CDH11: variants seen among roughly 807,000 people sequenced by gnomAD.
CDH11 encodes cadherin 11.
In CDH11, 11 loss-of-function variants were observed where a neutral mutation model predicts 67.8. That is an observed-to-expected ratio of 0.16 (90% confidence interval 0.10 to 0.27). CDH11 has a LOEUF of 0.27. Among genes scored for constraint, CDH11 ranks in the 10% least tolerant of loss-of-function variants. The probability of loss-of-function intolerance (pLI) is 1.00; values close to 1 mark genes in which losing one functional copy is unlikely to be tolerated. For synonymous variants in CDH11, 419 were observed against 400.0 expected (o/e 1.05, Z -0.57); for missense variants, 847 against 1,031.2 (o/e 0.82, Z 2.45).
chr16:65,087,197 A>G (rs1008492342), intron 1 of CDH11, among the ~76,000 whole-genome samples: 1 of 152,208 alleles, frequency 6.6e-6, no homozygotes, highest in Non-Finnish European at 1.5e-5. Context: ...TGACAGCAGC[A>G]GAGCCTGAGC....
chr16:64,992,921 G>A lies in CDH11; in HGVS notation c.637C>T (p.Gln213Ter). 1 of 1,613,496 alleles carries A rather than the reference G, an allele frequency of 6.2e-7. No individual in the cohort carries two copies. Among genetic ancestry groups the A allele is most frequent in the Non-Finnish European group, 8.5e-7 (1 of 1,179,596 alleles). ...EGQPYFSVEAQTGIIRTALPN... is the reference protein window; with the variant it reads ...EGQPYFSVEA Reference sequence around the variant, plus strand: ...CAGTGACATTCCACAGTACCTGTCTGTGCTTCCACCGAAAAATAGGGTTGT... The same window carrying A: ...CAGTGACATTCCACAGTACCTGTCTATGCTTCCACCGAAAAATAGGGTTGT... Residue 213 changes from glutamine to a stop codon, truncating the protein, a stop_gained, in exon 5 of 13, where the codon CAG (glutamine) becomes TAG (stop). Transcript: ENST00000268603. LOFTEE classifies it high-confidence loss of function.
intron 1 of CDH11, among the ~76,000 whole-genome samples, chr16:65,114,520 G>C (rs144867716): frequency 3.3e-5 from 5 of 152,034 alleles, no homozygotes; most frequent in African/African-American, 1.2e-4. Context: ...CCTTCCTCTC[G>C]GGGGGTTGTA....
intron 11 of CDH11, among the ~76,000 whole-genome samples, chr16:64,969,685 C>T (rs1218180487): frequency 6.6e-6 from 1 of 152,082 alleles, no homozygotes; most frequent in Admixed American, 6.6e-5. Flanking sequence ...TAAGAGTGAA[C>T]ACAGGGCTTT....
chr16:64,988,343 G>C lies in CDH11; in HGVS notation c.813C>G (p.Ser271Arg). The stretch of plus-strand genomic sequence containing the variant: ...CTTCTGACACAGACATCTGGTATAC[G>C]CCTAGAAGAAGAAGACATCTATTTT... ...VNDNPPKFPQ[S>R]VYQMSVSEAA... Residue 271 changes from serine (S) to arginine (R), a missense_variant and splice_region_variant, in exon 7 of 13, where the codon AGC (serine) becomes AGG (arginine). Physicochemically the swap from Ser to Arg is moderately radical, Grantham distance 110 (BLOSUM62 -1). Transcript: ENST00000268603. 1 of 1,600,992 alleles carries C rather than the reference G, an allele frequency of 6.2e-7. No individual in the cohort carries two copies. Among genetic ancestry groups the C allele is most frequent in the Non-Finnish European group, 8.5e-7 (1 of 1,175,332 alleles).
In CDH11 at chr16:65,021,569, CATAT is replaced by C. The variant is rs58195440; in HGVS notation, c.-172-16532_-172-16529del. Among the ~76,000 whole-genome samples the C allele has an allele frequency of 3.1e-3, 429 of 138,960 alleles. 3 individuals are homozygous for C. The highest frequency in any genetic ancestry group is 0.012 in the East Asian group (57 of 4,808). 91.2% of individuals were successfully genotyped at this position (138,960 alleles called of 152,430 possible). A position where few individuals can be genotyped will look rare whatever the true frequency, so the allele number is the denominator to read the frequency against. On this transcript the variant is annotated intron_variant, in intron 2 of 12. Coordinates refer to ENST00000268603, the MANE Select transcript of CDH11 (RefSeq NM_001797.4). ...AGCCATTTAAATACACACACACACACATATATATATATATATATATTAGTTATCC... is the reference window on the plus strand; with the variant it reads ...AGCCATTTAAATACACACACACACACATATATATATATATATTAGTTATCC...
intron 1 of CDH11, among the ~76,000 whole-genome samples, chr16:65,099,329 T>C (rs1567578027): frequency 1.3e-5 from 2 of 152,230 alleles, no homozygotes; most frequent in South Asian, 4.1e-4. Flanking sequence ...TCCAACAATT[T>C]TGAGGACCTA....
At chr16:65,110,248 A>G (rs1276725012) in intron 1 of CDH11, among the ~76,000 whole-genome samples, 2 of 152,180 alleles carry the variant, frequency 1.3e-5, no homozygotes, top group Non-Finnish European at 2.9e-5. Context: ...ATGGCCTTTG[A>G]GAAGAACTCA....
chr16:64,959,571 C>T (rs1354322045), intron 11 of CDH11, among the ~76,000 whole-genome samples: 2 of 152,000 alleles, frequency 1.3e-5, no homozygotes, highest in Admixed American at 1.3e-4. Flanking sequence ...GAGGAGAGAG[C>T]GGGTTCAAAG....
rs965300608 is a variant in CDH11 at position 65,122,002 on chromosome 16, G to C, written c.-420C>G. ...CACAAGTCAGCGGCGGCTGCGAGCG[G>C]CCCCCGCGGCATCTGCTCCTCGGCC... On this transcript the variant is annotated 5_prime_UTR_variant, in exon 1 of 13. Coordinates refer to ENST00000268603, the MANE Select transcript of CDH11 (RefSeq NM_001797.4). 4.3e-6 allele frequency: 3 copies of C among 699,644 alleles called. No individual in the cohort carries two copies. The highest frequency in any genetic ancestry group is 2.0e-5 in the Admixed American group (1 of 49,864). The allele number at this position is 699,644 out of a possible 1,614,324, so 43.3% of individuals were successfully genotyped here.
At chr16:64,954,695 C>A (rs193285948) in intron 11 of CDH11, among the ~76,000 whole-genome samples, 1 of 152,128 alleles carries the variant, frequency 6.6e-6, no homozygotes, top group Non-Finnish European at 1.5e-5. Context: ...CCTTTAGATC[C>A]AGGTTGTTCC....
At position 64,982,263 on chromosome 16, in the gene CDH11, C is replaced by T; in HGVS notation, c.1038G>A (p.Lys346=). The change falls in exon 8 of 13, where the codon AAG becomes AAA. Residue 346 remains lysine (K), a synonymous_variant. Coordinates refer to ENST00000268603, the MANE Select transcript of CDH11 (RefSeq NM_001797.4). ...CGATGTGCACGTTGGCTGCCTCTAC[C>T]TTCAAGCTATAGGCTCTTTTGGTTT... ...DFETKRAYSL[K]VEAANVHIDP... is the part of the protein sequence containing the mutation. The T allele has an allele frequency of 1.9e-6, 3 of 1,613,396 alleles. No homozygotes were observed. Among genetic ancestry groups the T allele is most frequent in the Non-Finnish European group, 2.5e-6 (3 of 1,179,326 alleles).
intron 1 of CDH11, among the ~76,000 whole-genome samples, chr16:65,105,089 T>C (rs1269916360): frequency 1.3e-5 from 2 of 152,158 alleles, no homozygotes; most frequent in African/African-American, 4.8e-5. Flanking sequence ...TTTGAATCTC[T>C]CTGTCCACGT....
At chr16:65,021,557 C>A (rs1288464603) in intron 2 of CDH11, among the ~76,000 whole-genome samples, 2 of 71,858 alleles carry the variant, frequency 2.8e-5, no homozygotes, top group African/African-American at 8.9e-5. Context: ...CATTTAAATA[C>A]ACACACACAC....
chr16:65,007,875 A>T (rs554769541), intron 2 of CDH11, among the ~76,000 whole-genome samples: 1 of 152,308 alleles, frequency 6.6e-6, no homozygotes, highest in South Asian at 2.1e-4. Flanking sequence ...CCGTCAATAC[A>T]ATTTTAATAT....
chr16:65,005,153 C>T, intron 2 of CDH11, 112 bp from the exon 3 acceptor site: 2 of 996,452 alleles, frequency 2.0e-6, no homozygotes, highest in Non-Finnish European at 1.3e-6. Context: ...GAGCTACGGG[C>T]TTTGGGGAAG....
chr16:65,081,354 G>A (rs2074606432), intron 1 of CDH11, among the ~76,000 whole-genome samples: 1 of 152,166 alleles, frequency 6.6e-6, no homozygotes, highest in African/African-American at 2.4e-5. Context: ...AGATCACGAG[G>A]TCAGGAGATC....
Position 65,101,951 on chromosome 16 carries a change from T to C in CDH11, c.-298+19929A>G, listed in dbSNP as rs149569891. On this transcript the variant is annotated intron_variant, in intron 1 of 12. Coordinates refer to ENST00000268603, the MANE Select transcript of CDH11 (RefSeq NM_001797.4). ...GGCAGATGACATATCCTTAGTCTGA[T>C]GGGTTTTTTGTTGTTGTTTGTTTCA... Among the ~76,000 whole-genome samples the C allele has an allele frequency of 3.0e-3, 450 of 152,330 alleles. 4 individuals carry two copies. Among genetic ancestry groups the C allele is most frequent in the Non-Finnish European group, 2.9e-3 (199 of 68,024 alleles).
intron 2 of CDH11, among the ~76,000 whole-genome samples, chr16:65,049,238 C>T (rs563478178): frequency 4.1e-4 from 62 of 152,204 alleles, no homozygotes; most frequent in African/African-American, 1.4e-3. Context: ...CATTGCCATA[C>T]CAAAATAACT....
Position 64,945,377 on chromosome 16 carries a change from A to C in CDH11, c.*2226T>G, listed in dbSNP as rs1002479368. 4 of 1,024,260 alleles carry C rather than the reference A, an allele frequency of 3.9e-6. No homozygotes were observed. Among genetic ancestry groups the C allele is most frequent in the Admixed American group, 5.6e-5 (1 of 17,790 alleles). 63.4% of individuals were successfully genotyped at this position (1,024,260 alleles called of 1,614,324 possible). ...AAAGTAAACAGCCTTTTTAAAAAAG[A>C]CTTCAACATAAAAATGCGAAAATGT... On this transcript the variant is annotated 3_prime_UTR_variant, in exon 13 of 13. Transcript: ENST00000268603.
Sources: allele counts gnomAD v4.1 joint callset (sites outside exome capture counted in the v4.1 genomes callset), GRCh38; gene constraint gnomAD v4.1.1; transcripts MANE v1.5; gene names NCBI Gene and HGNC (gene_info 2026-07-23, HGNC 2026-07-21).